The following PDE4D variants were observed in gnomAD, a reference collection of about 807,000 sequenced individuals.
The protein encoded by PDE4D is 3',5'-cyclic-AMP phosphodiesterase 4D.
Under a neutral mutation model 87.4 loss-of-function variants are expected in PDE4D, and 24 were observed. The ratio of observed to expected loss-of-function variants is 0.27; its 90% CI spans 0.20 to 0.39. PDE4D has a LOEUF of 0.39. Among genes scored for constraint, PDE4D ranks in the 10% least tolerant of loss-of-function variants. The probability of loss-of-function intolerance (pLI) is 1.00; values close to 1 mark genes in which losing one functional copy is unlikely to be tolerated. For synonymous variants in PDE4D, 384 were observed against 383.2 expected (o/e 1.00, Z -0.02); for missense variants, 714 against 1,041.0 (o/e 0.69, Z 4.32).
Position 58,974,563 on chromosome 5 carries a change from C to T in PDE4D, c.*101G>A. ...CAGTTTTGTTCAACAAACGTCCTGGCAGATGACAGTGAGGTGTGACCGTGG... is the reference window on the plus strand; with the variant it reads ...CAGTTTTGTTCAACAAACGTCCTGGTAGATGACAGTGAGGTGTGACCGTGG... On this transcript the variant is annotated 3_prime_UTR_variant, in exon 15 of 15. Coordinates refer to ENST00000340635, the MANE Select transcript of PDE4D (RefSeq NM_001104631.2). 1.8e-6 allele frequency: 2 copies of T among 1,115,298 alleles called. No homozygotes were observed. Among genetic ancestry groups the T allele is most frequent in the Non-Finnish European group, 2.5e-6 (2 of 784,480 alleles). 69.1% of individuals were successfully genotyped at this position (1,115,298 alleles called of 1,614,324 possible). A position where few individuals can be genotyped will look rare whatever the true frequency, so the allele number is the denominator to read the frequency against.
chr5:60,451,236 T>C (rs1295994716), intron 1 of PDE4D, among the ~76,000 whole-genome samples: 1 of 152,136 alleles, frequency 6.6e-6, no homozygotes, highest in African/African-American at 2.4e-5. Context: ...TGATCACTTT[T>C]TAAACTGTTT....
chr5:60,150,006 T>G (rs1287227367), intron 2 of PDE4D, among the ~76,000 whole-genome samples: 1 of 147,140 alleles, frequency 6.8e-6, no homozygotes, highest in Non-Finnish European at 1.5e-5. Flanking sequence ...GTGTATATAA[T>G]TATATATATT....
intron 1 of PDE4D, among the ~76,000 whole-genome samples, chr5:59,465,822 T>C (rs1204775280): frequency 6.6e-6 from 1 of 152,228 alleles, no homozygotes; most frequent in Non-Finnish European, 1.5e-5. Context: ...ACTGCTTTGC[T>C]TATTTAAATT....
At chr5:60,095,644 ATCTG>A (rs942483050) in intron 2 of PDE4D, among the ~76,000 whole-genome samples, 2 of 151,966 alleles carry the variant, frequency 1.3e-5, no homozygotes, top group African/African-American at 4.8e-5. Flanking sequence ...CCACAATGGA[ATCTG>A]TCTATCTACA....
intron 1 of PDE4D, among the ~76,000 whole-genome samples, chr5:59,590,110 C>T (rs1825711760): frequency 6.6e-6 from 1 of 152,094 alleles, no homozygotes; most frequent in Non-Finnish European, 1.5e-5. Context: ...AAAGAATAGG[C>T]TTGCTTAGAA....
intron 1 of PDE4D, among the ~76,000 whole-genome samples, chr5:59,772,189 T>C (rs1763651588): frequency 6.6e-6 from 1 of 152,198 alleles, no homozygotes; most frequent in African/African-American, 2.4e-5. Flanking sequence ...GGGTGAGGTT[T>C]GGACAGACTG....
In PDE4D at chr5:59,646,991, C is replaced by T. The variant is rs1010131247; in HGVS notation, c.455+246177G>A. 1.5e-4 allele frequency among the ~76,000 whole-genome samples: 23 copies of T among 152,142 alleles called. No individual in the cohort carries two copies. In the East Asian group the frequency reaches 1.5e-3, roughly 10 times the overall value. On this transcript the variant is annotated intron_variant, in intron 1 of 14. Transcript: ENST00000340635. ...TGGAGGTTGCAGTGAGCCGAGATCA[C>T]GCCACTGCACTCCAGCCTGGGTGAC...
chr5:59,724,571 T>G (rs1756322085), intron 1 of PDE4D, among the ~76,000 whole-genome samples: 2 of 152,114 alleles, frequency 1.3e-5, no homozygotes, highest in African/African-American at 4.8e-5. Context: ...TATTTATACT[T>G]AATTATGCAT....
intron 1 of PDE4D, among the ~76,000 whole-genome samples, chr5:59,716,382 C>T (rs1234707618): frequency 2.0e-5 from 3 of 152,192 alleles, no homozygotes; most frequent in South Asian, 2.1e-4. Context: ...TCCAGCTACC[C>T]GCCACTTGCC....
intron 2 of PDE4D, among the ~76,000 whole-genome samples, chr5:60,133,846 G>C (rs1300145098): frequency 6.6e-6 from 1 of 152,030 alleles, no homozygotes; most frequent in Non-Finnish European, 1.5e-5. Context: ...TTTTAACCTG[G>C]AGTCCACAAA....
chr5:59,009,938 C>T (rs927048793), intron 6 of PDE4D, among the ~76,000 whole-genome samples: 3 of 152,182 alleles, frequency 2.0e-5, no homozygotes, highest in Non-Finnish European at 4.4e-5. Context: ...TTTCAAAGAG[C>T]TCCACCATTA....
chr5:59,731,233 G>A (rs1464208245), intron 1 of PDE4D, among the ~76,000 whole-genome samples: 2 of 152,128 alleles, frequency 1.3e-5, no homozygotes, highest in Non-Finnish European at 1.5e-5. Context: ...ATAAGCTGAG[G>A]ATTCCTAAGA....
At chr5:59,503,350 T>A (rs1277392990) in intron 1 of PDE4D, among the ~76,000 whole-genome samples, 5 of 152,178 alleles carry the variant, frequency 3.3e-5, no homozygotes, top group Non-Finnish European at 7.4e-5. Flanking sequence ...CTCATGGCTA[T>A]CCAGAGGCAG....
At chr5:59,008,576 C>G (rs1752128494) in intron 6 of PDE4D, among the ~76,000 whole-genome samples, 1 of 152,006 alleles carries the variant, frequency 6.6e-6, no homozygotes, top group Non-Finnish European at 1.5e-5. Flanking sequence ...CTGCACCACA[C>G]TAACATCTAC....
At chr5:59,713,144 A>G (rs1451477160) in intron 1 of PDE4D, among the ~76,000 whole-genome samples, 3 of 152,346 alleles carry the variant, frequency 2.0e-5, no homozygotes, top group African/African-American at 7.2e-5. Context: ...TGAACATTTG[A>G]GAAGATAGGC....
At chr5:60,055,060 G>A (rs1411609264) in intron 2 of PDE4D, among the ~76,000 whole-genome samples, 1 of 151,924 alleles carries the variant, frequency 6.6e-6, no homozygotes, top group East Asian at 1.9e-4. Context: ...AAAGATCAAT[G>A]GCATCAATAA....
intron 1 of PDE4D, among the ~76,000 whole-genome samples, chr5:60,378,647 T>A (rs1761613215): frequency 6.6e-6 from 1 of 150,446 alleles, no homozygotes; most frequent in South Asian, 2.1e-4. Context: ...ATGTCAGGAG[T>A]TCAAGACCAG....
At chr5:59,771,436 AG>A (rs1763439400) in intron 1 of PDE4D, among the ~76,000 whole-genome samples, 1 of 70,474 alleles carries the variant, frequency 1.4e-5, no homozygotes, top group Admixed American at 1.5e-4. Context: ...AAAAAGAAAA[AG>A]AAAGAAAGAA....
intron 1 of PDE4D, among the ~76,000 whole-genome samples, chr5:59,715,403 C>T (rs1580632768): frequency 6.6e-6 from 1 of 152,192 alleles, no homozygotes; most frequent in African/African-American, 2.4e-5. Flanking sequence ...CCCCTATGCC[C>T]GATGGGGCAC....
Sources: allele counts gnomAD v4.1 joint callset (sites outside exome capture counted in the v4.1 genomes callset), GRCh38; gene constraint gnomAD v4.1.1; transcripts MANE v1.5; gene names NCBI Gene and HGNC (gene_info 2026-07-23, HGNC 2026-07-21).